SPHKAP: variants seen among roughly 807,000 people sequenced by gnomAD.
SPHKAP encodes the protein A-kinase anchor protein SPHKAP.
Under a neutral mutation model 137.5 loss-of-function variants are expected in SPHKAP, and 67 were observed. The observed-to-expected ratio is 0.49, with a 90% CI of 0.40 to 0.60. SPHKAP has a LOEUF of 0.60. Among genes scored for constraint, SPHKAP ranks in the 20% least tolerant of loss-of-function variants. The pLI, the probability that SPHKAP is intolerant of heterozygous loss-of-function variation, is 0.00. For missense variants in SPHKAP, 2,097 were observed against 2,069.3 expected (o/e 1.01, Z -0.26); for synonymous variants, 813 against 785.3 (o/e 1.04, Z -0.59).
rs77334393 is a variant in SPHKAP at position 228,013,837 on chromosome 2, G to A, written c.4448+2569C>T. Among the ~76,000 whole-genome samples, 600 of 152,244 alleles carry A rather than the reference G, an allele frequency of 3.9e-3. 4 individuals are homozygous for A. Among genetic ancestry groups the A allele is most frequent in the African/African-American group, 0.013 (561 of 41,556 alleles). ...TCTTTATATTGTTCCACAAAGAAAA[G>A]CATTTTCAATATTTAGTCCTTATGT... is the stretch of plus-strand genomic sequence containing the variant. On this transcript the variant is annotated intron_variant, in intron 7 of 11. Coordinates refer to ENST00000392056, the MANE Select transcript of SPHKAP (RefSeq NM_001142644.2).
intron 1 of SPHKAP, among the ~76,000 whole-genome samples, chr2:228,166,551 A>G (rs1230979068): frequency 1.3e-5 from 2 of 152,192 alleles, no homozygotes; most frequent in African/African-American, 4.8e-5. Flanking sequence ...CCAGTCTTAT[A>G]TAATTAATTT....
chr2:228,153,681 T>A (rs1464242286), intron 1 of SPHKAP, among the ~76,000 whole-genome samples: 2 of 152,238 alleles, frequency 1.3e-5, no homozygotes, highest in African/African-American at 2.4e-5. Context: ...TAGCTGGTAA[T>A]TCCTTATTTT....
chr2:228,109,073 A>G, intron 2 of SPHKAP, 134 bp from the exon 3 acceptor site: 1 of 600,226 alleles, frequency 1.7e-6, no homozygotes, highest in South Asian at 3.1e-5. Context: ...TGGGTGTTAG[A>G]AAAAAACTTG....
chr2:228,027,388 A>G lies in SPHKAP; in HGVS notation c.306+96T>C, dbSNP rs1043557495. On this transcript the variant is annotated intron_variant, in intron 4 of 11. Coordinates refer to ENST00000392056, the MANE Select transcript of SPHKAP (RefSeq NM_001142644.2). Reference sequence around the variant, plus strand: ...TGGCCTGTAATGAAACTATCTAACTAAAGAGTCTCCTACAAAATGAGCATT... The same window carrying G: ...TGGCCTGTAATGAAACTATCTAACTGAAGAGTCTCCTACAAAATGAGCATT... 23 of 1,268,212 alleles carry G rather than the reference A, an allele frequency of 1.8e-5. No homozygotes were observed. In the Admixed American group the frequency reaches 2.5e-4, roughly 14 times the overall value. The allele number at this position is 1,268,212 out of a possible 1,614,324, so 78.6% of individuals were successfully genotyped here.
rs569712663 is a variant in SPHKAP, at chr2:228,133,266, C to T, written c.33-1181G>A. On this transcript the variant is annotated intron_variant, in intron 1 of 11. Coordinates refer to ENST00000392056, the MANE Select transcript of SPHKAP (RefSeq NM_001142644.2). Reference sequence around the variant, plus strand: ...AGGTTGCAGTGAGCTGAGATGGTGCCACTGTACTCCAGCCTGGGCCACAGA... The same window carrying T: ...AGGTTGCAGTGAGCTGAGATGGTGCTACTGTACTCCAGCCTGGGCCACAGA... 3.3e-5 allele frequency among the ~76,000 whole-genome samples: 5 copies of T among 151,900 alleles called. No individual in the cohort carries two copies. The South Asian group carries it at 6.2e-4, about 19-fold the overall frequency.
intron 7 of SPHKAP, among the ~76,000 whole-genome samples, chr2:228,001,116 C>A (rs1466840315): frequency 2.0e-5 from 3 of 151,604 alleles, no homozygotes; most frequent in Non-Finnish European, 4.4e-5. Flanking sequence ...TTTTGATTTG[C>A]AAGTCCATAA....
chr2:228,181,292 C>T lies in SPHKAP; in HGVS notation c.32+275G>A, dbSNP rs909759054. 1.3e-5 allele frequency among the ~76,000 whole-genome samples: 2 copies of T among 152,194 alleles called. No homozygotes were observed. The highest frequency in any genetic ancestry group is 2.9e-5 in the Non-Finnish European group (2 of 68,026). ...ACCTAGGGCAGAGCAGACCTCCGTC[C>T]CTGGGCCTTAGAGGCGGGCACGGGG... On this transcript the variant is annotated intron_variant, in intron 1 of 11. Coordinates refer to ENST00000392056, the MANE Select transcript of SPHKAP (RefSeq NM_001142644.2). The surrounding 1 kb of genome is among the most constrained non-coding windows in gnomAD (Gnocchi z 4.3).
Position 228,017,918 on chromosome 2 carries a change from A to G in SPHKAP, c.2936T>C (p.Leu979Ser), listed in dbSNP as rs555469888. 6.2e-7 allele frequency: 1 copy of G among 1,613,974 alleles called. No homozygotes were observed. Among genetic ancestry groups the G allele is most frequent in the South Asian group, 1.1e-5 (1 of 91,080 alleles). ...CCCCTGGCTCTCTTTCTTCCTCTTC[A>G]AGGATCGGCAGGGTACGTTGGGTGT... The part of the protein sequence containing the change: ...LMTPNVPCRS[L>S]KRKKESQGSG... Residue 979 changes from leucine (L) to serine (S), a missense_variant, in exon 7 of 12, where the codon TTG (leucine) becomes TCG (serine). Physicochemically the swap from Leu to Ser is moderately radical, Grantham distance 145. Coordinates refer to ENST00000392056, the MANE Select transcript of SPHKAP (RefSeq NM_001142644.2).
At chr2:227,987,818 A>G (rs1375944542) in intron 11 of SPHKAP, among the ~76,000 whole-genome samples, 2 of 152,186 alleles carry the variant, frequency 1.3e-5, no homozygotes, top group Non-Finnish European at 2.9e-5. Flanking sequence ...CAAGAAGGTT[A>G]GTAAATTGGG....
chr2:228,001,506 CGTATAT>C (rs1308477977), intron 7 of SPHKAP, among the ~76,000 whole-genome samples: 1 of 137,898 alleles, frequency 7.3e-6, no homozygotes, highest in Non-Finnish European at 1.5e-5. Context: ...AGTATATATA[CGTATAT>C]ATAAGAATAT....
At chr2:228,158,343 T>TTTTTTAG (rs1700173434) in intron 1 of SPHKAP, among the ~76,000 whole-genome samples, 1 of 150,646 alleles carries the variant, frequency 6.6e-6, no homozygotes. Flanking sequence ...TTTTTTTTTT[T>TTTTTTAG]AGCACAGTCT....
chr2:228,102,520 A>C (rs973285715), intron 3 of SPHKAP, among the ~76,000 whole-genome samples: 1 of 152,208 alleles, frequency 6.6e-6, no homozygotes, highest in African/African-American at 2.4e-5. Context: ...ACCTACAACC[A>C]TAAGATCTAA....
At position 227,991,350 on chromosome 2, in the gene SPHKAP, T is replaced by C. The variant is rs201917753; in HGVS notation, c.4722-24A>G. 239 of 1,613,902 alleles carry C rather than the reference T, an allele frequency of 1.5e-4. 1 individual carries two copies. Among genetic ancestry groups the C allele is most frequent in the Middle Eastern group, 3.3e-4 (2 of 6,078 alleles). On this transcript the variant is annotated intron_variant, in intron 9 of 11. Coordinates refer to ENST00000392056, the MANE Select transcript of SPHKAP (RefSeq NM_001142644.2). ...CACTTTGGGAGAAAACAACAGTATATGGTTGGTAATGTTTAGAAGAATAAG... is the reference window on the plus strand; with the variant it reads ...CACTTTGGGAGAAAACAACAGTATACGGTTGGTAATGTTTAGAAGAATAAG...
rs1696851465 is a variant in SPHKAP at position 228,067,103 on chromosome 2, T to A, written c.247-39560A>T. 2.0e-5 allele frequency among the ~76,000 whole-genome samples: 3 copies of A among 152,342 alleles called. No homozygotes were observed. In the South Asian group the frequency reaches 6.2e-4, roughly 32 times the overall value. ...TGTTGAAAGACTCAACAACCTTGGT[T>A]TTTTATGTTGTCGTTGCATGGTGAC... On this transcript the variant is annotated intron_variant, in intron 3 of 11. Coordinates refer to ENST00000392056, the MANE Select transcript of SPHKAP (RefSeq NM_001142644.2).
intron 3 of SPHKAP, among the ~76,000 whole-genome samples, chr2:228,047,262 T>C (rs1696094507): frequency 6.6e-6 from 1 of 152,064 alleles, no homozygotes; most frequent in South Asian, 2.1e-4. Context: ...GGTCAGGAGT[T>C]CGAGATCAGC....
chr2:228,027,429 CA>C lies in SPHKAP; in HGVS notation c.306+54del. On this transcript the variant is annotated intron_variant, in intron 4 of 11. Coordinates refer to ENST00000392056, the MANE Select transcript of SPHKAP (RefSeq NM_001142644.2). ...AATGAGCATTATTTACAGATGAAAT[CA>C]AGTTGAATAGTCCTTGTAATGACCT... is the stretch of plus-strand genomic sequence containing the variant. 7 of 1,554,944 alleles carry C rather than the reference CA, an allele frequency of 4.5e-6. No homozygotes were observed. The South Asian group carries it at 5.7e-5, about 13-fold the overall frequency.
intron 8 of SPHKAP, 98 bp downstream of exon 8, chr2:227,995,411 C>T (rs1693599149): frequency 1.4e-6 from 2 of 1,447,586 alleles, no homozygotes; most frequent in Admixed American, 3.5e-5. Context: ...CTCTCCTTCT[C>T]TCTTTATTAG....
intron 3 of SPHKAP, among the ~76,000 whole-genome samples, chr2:228,061,907 G>A (rs1373873929): frequency 6.6e-6 from 1 of 152,070 alleles, no homozygotes; most frequent in Non-Finnish European, 1.5e-5. Context: ...ATTAGCCTGT[G>A]AGATAAGGAA....
intron 11 of SPHKAP, chr2:227,982,439 T>C (rs1693035591): frequency 8.0e-6 from 7 of 871,554 alleles, no homozygotes; most frequent in Non-Finnish European, 9.6e-6. Flanking sequence ...ACACCTTAGA[T>C]TTGTCACCTG....
Sources: allele counts gnomAD v4.1 joint callset (sites outside exome capture counted in the v4.1 genomes callset), GRCh38; gene constraint gnomAD v4.1.1; non-coding constraint Gnocchi (gnomAD v3.1); transcripts MANE v1.5; gene names NCBI Gene and HGNC (gene_info 2026-07-23, HGNC 2026-07-21).